Variants in BCL11A observed in about 807,000 individuals in gnomAD.
BCL11A encodes B cell CLL/lymphoma 11A.
BCL11A carries 2 observed loss-of-function variants against 55.9 expected under a neutral mutation model. The ratio of observed to expected loss-of-function variants is 0.04; its 90% CI spans 0.01 to 0.11. The LOEUF is 0.11. BCL11A is among the 10% of genes least tolerant of loss of function. The probability of loss-of-function intolerance (pLI) is 1.00; values close to 1 mark genes in which losing one functional copy is unlikely to be tolerated. For synonymous variants in BCL11A, 465 were observed against 473.4 expected (o/e 0.98, Z 0.23); for missense variants, 817 against 1,137.1 (o/e 0.72, Z 4.05).
chr2:60,457,160 G>A, downstream of BCL11A: 2 of 754,964 alleles, frequency 2.6e-6, no homozygotes, highest in Non-Finnish European at 3.3e-6. Context: ...AATTTACAGA[G>A]TGTGTCAAAT....
chr2:60,522,717 C>T (rs748963892), intron 2 of BCL11A: 5 of 152,330 alleles, frequency 3.3e-5, no homozygotes, highest in East Asian at 1.9e-4. Context: ...TCACCACATC[C>T]GACAAGCAGG....
chr2:60,499,704 A>T (rs1226637171), intron 2 of BCL11A: 2 of 152,318 alleles, frequency 1.3e-5, no homozygotes, highest in Non-Finnish European at 2.9e-5. Context: ...AAAGGGGTGG[A>T]CAGCACTGAA....
At chr2:60,478,733 G>T (rs1482165753) in intron 2 of BCL11A, among the ~76,000 whole-genome samples, 2 of 152,380 alleles carry the variant, frequency 1.3e-5, no homozygotes, top group Middle Eastern at 3.4e-3. Flanking sequence ...CTCGCCTGAG[G>T]TGAGGCTGAA....
intron 2 of BCL11A, among the ~76,000 whole-genome samples, chr2:60,521,358 C>G (rs550978179): frequency 6.6e-6 from 1 of 152,198 alleles, no homozygotes; most frequent in African/African-American, 2.4e-5. Flanking sequence ...CAGAGGGACC[C>G]GGGCCTGGGC....
At chr2:60,489,005 C>T (rs1268653859) in intron 2 of BCL11A, among the ~76,000 whole-genome samples, 1 of 152,112 alleles carries the variant, frequency 6.6e-6, no homozygotes, top group Non-Finnish European at 1.5e-5. Context: ...GGTGATCCAC[C>T]CACCTCAGCC....
intron 2 of BCL11A, chr2:60,542,046 T>C: frequency 1.7e-6 from 1 of 593,594 alleles, no homozygotes. Flanking sequence ...TTTGAATTAC[T>C]ATATCTCCCT....
At chr2:60,549,558 T>G (rs540561372) in intron 1 of BCL11A, among the ~76,000 whole-genome samples, 1 of 152,274 alleles carries the variant, frequency 6.6e-6, no homozygotes, top group South Asian at 2.1e-4. Flanking sequence ...GCGAGCAGCG[T>G]GCTGGCTGCA....
chr2:60,503,851 T>C (rs1478456350), intron 2 of BCL11A, among the ~76,000 whole-genome samples: 3 of 152,228 alleles, frequency 2.0e-5, no homozygotes, highest in African/African-American at 4.8e-5. Context: ...AAAATTTTTA[T>C]ATTAAACAGC....
intron 2 of BCL11A, among the ~76,000 whole-genome samples, chr2:60,539,369 T>A (rs952771743): frequency 3.3e-5 from 5 of 152,210 alleles, no homozygotes; most frequent in Admixed American, 1.3e-4. Flanking sequence ...CCACCCCCCA[T>A]GCCTCAAATC....
At chr2:60,478,651 A>T (rs1466037005) in intron 2 of BCL11A, among the ~76,000 whole-genome samples, 4 of 152,262 alleles carry the variant, frequency 2.6e-5, no homozygotes, top group East Asian at 1.9e-4. Context: ...TAAGGCTTCA[A>T]AGCTCTACCA....
At position 60,461,858 on chromosome 2, in the gene BCL11A, G is replaced by T; in HGVS notation, c.1054C>A (p.Pro352Thr). 1 of 1,613,858 alleles carries T rather than the reference G, an allele frequency of 6.2e-7. No individual in the cohort carries two copies. Among genetic ancestry groups the T allele is most frequent in the Non-Finnish European group, 8.5e-7 (1 of 1,179,786 alleles). Residue 352 changes from proline to threonine, a missense_variant, in exon 4 of 4, where the codon CCG (proline) becomes ACG (threonine). Around this residue, in one of 4 missense-constraint regions of BCL11A, gnomAD observed 363 missense variants for 486.6 expected, o/e 0.75. Coordinates refer to ENST00000642384, the MANE Select transcript of BCL11A (RefSeq NM_022893.4). ...LLQPFQPGSK[P>T]PFLATPPLPP... ...AGGGGGGGCGTCGCCAGGAAGGGCG[G>T]CTTGCTACCTGGCTGGAATGGTTGC...
chr2:60,514,578 G>C (rs932243164), intron 2 of BCL11A, among the ~76,000 whole-genome samples: 1 of 150,484 alleles, frequency 6.6e-6, no homozygotes, highest in Admixed American at 6.6e-5. Context: ...TGAGGCAGGA[G>C]AATCACTTGA....
intron 2 of BCL11A, among the ~76,000 whole-genome samples, chr2:60,497,937 C>T (rs973176234): frequency 6.6e-6 from 1 of 152,060 alleles, no homozygotes; most frequent in African/African-American, 2.4e-5. Flanking sequence ...GGACCCACCG[C>T]TTCATTGGCC....
intron 2 of BCL11A, among the ~76,000 whole-genome samples, chr2:60,517,788 G>A (rs763741005): frequency 6.6e-6 from 1 of 152,158 alleles, no homozygotes; most frequent in Non-Finnish European, 1.5e-5. Flanking sequence ...AAAATGACAG[G>A]GTTAATGATA....
intron 1 of BCL11A, among the ~76,000 whole-genome samples, chr2:60,552,847 G>C (rs1364890505): frequency 4.0e-5 from 6 of 151,486 alleles, no homozygotes; most frequent in African/African-American, 9.7e-5. Flanking sequence ...CATGTGAGTT[G>C]TTCGCAACCT....
intron 2 of BCL11A, among the ~76,000 whole-genome samples, chr2:60,475,087 G>T (rs892609324): frequency 6.6e-5 from 10 of 152,236 alleles, no homozygotes; most frequent in Admixed American, 1.3e-4. Flanking sequence ...AGGTAAAGAT[G>T]CTTAGAGAGA....
downstream of BCL11A, chr2:60,450,832 GCAACTCTGCATGCCTTTACC>G (rs1362987851): frequency 2.0e-5 from 3 of 152,328 alleles, no homozygotes; most frequent in African/African-American, 7.2e-5. Context: ...GTAGGAAGAG[GCAACTCTGCATGCCTTTACC>G]AAAGGCCATC....
At position 60,548,257 on chromosome 2, in the gene BCL11A, A is replaced by T. The variant is rs560760163; in HGVS notation, c.56-1957T>A. Among the ~76,000 whole-genome samples the T allele has an allele frequency of 7.2e-5, 11 of 152,240 alleles. No homozygotes were observed. In the South Asian group the frequency reaches 2.3e-3, roughly 32 times the overall value. ...TACAGACTGAAGGAAGACTTAGGAAAATATTTTATCAAACTTACTAGTACA... is the reference window on the plus strand; with the variant it reads ...TACAGACTGAAGGAAGACTTAGGAATATATTTTATCAAACTTACTAGTACA... On this transcript the variant is annotated intron_variant, in intron 1 of 3. Transcript: ENST00000642384.
downstream of BCL11A, among the ~76,000 whole-genome samples, chr2:60,453,443 C>A (rs879428902): frequency 6.6e-6 from 1 of 152,178 alleles, no homozygotes; most frequent in East Asian, 1.9e-4. Flanking sequence ...CATGGCGACC[C>A]GAAGCAGGGG....
Sources: gnomAD v4.1 joint callset for allele counts (sites outside exome capture counted in the v4.1 genomes callset) on GRCh38, gnomAD v4.1.1 for gene constraint, gnomAD v4.1.1 regional missense constraint, MANE v1.5 for transcripts, NCBI Gene and HGNC (gene_info 2026-07-23, HGNC 2026-07-21) for gene names.